EPB41L2: variants seen among roughly 807,000 people sequenced by gnomAD.
EPB41L2 encodes band 4.1-like protein 2.
A neutral mutation model predicts 113.0 loss-of-function variants in EPB41L2; 43 were observed. That is an observed-to-expected ratio of 0.38 (90% CI 0.30 to 0.49). The LOEUF is 0.49. Ranked by LOEUF, EPB41L2 falls within the 20% of genes least tolerant of loss-of-function variation. The pLI, the probability that EPB41L2 is intolerant of heterozygous loss-of-function variation, is 0.95. For missense variants in EPB41L2, 1,147 were observed against 1,223.4 expected (o/e 0.94, Z 0.93); for synonymous variants, 442 against 436.7 (o/e 1.01, Z -0.15).
At chr6:131,047,687 T>G (rs1795721696) in intron 1 of EPB41L2, among the ~76,000 whole-genome samples, 1 of 152,320 alleles carries the variant, frequency 6.6e-6, no homozygotes, top group Middle Eastern at 3.4e-3. Flanking sequence ...GACAGAACCA[T>G]ATACAAACAG....
chr6:130,890,503 A>G (rs1279663608), intron 10 of EPB41L2, 37 bp from the exon 11 acceptor site: 1 of 1,567,564 alleles, frequency 6.4e-7, no homozygotes, highest in Non-Finnish European at 8.6e-7. Flanking sequence ...AGAGAGAGAA[A>G]GGGGAAGCAA....
intron 1 of EPB41L2, among the ~76,000 whole-genome samples, chr6:130,989,899 A>G (rs1781431954): frequency 6.6e-6 from 1 of 152,264 alleles, no homozygotes. Context: ...AAGAACAATT[A>G]GAAATGGGAC....
intron 19 of EPB41L2, among the ~76,000 whole-genome samples, chr6:130,851,693 T>A (rs1378477352): frequency 6.6e-6 from 1 of 152,226 alleles, no homozygotes; most frequent in Non-Finnish European, 1.5e-5. Flanking sequence ...GAAACAGCTC[T>A]GACAAAGCCT....
intron 1 of EPB41L2, among the ~76,000 whole-genome samples, chr6:130,986,760 A>T (rs1449606280): frequency 6.6e-6 from 1 of 152,062 alleles, no homozygotes; most frequent in Non-Finnish European, 1.5e-5. Context: ...TCATGTTCTG[A>T]GATAGTAGTA....
intron 14 of EPB41L2, chr6:130,872,636 C>A: frequency 1.3e-6 from 1 of 763,330 alleles, no homozygotes. Flanking sequence ...CAAGAAAGAA[C>A]AACAGAACAG....
At chr6:131,021,893 C>T (rs1789596313) in intron 1 of EPB41L2, among the ~76,000 whole-genome samples, 2 of 152,134 alleles carry the variant, frequency 1.3e-5, no homozygotes, top group Non-Finnish European at 2.9e-5. Flanking sequence ...GCAGTCCCAA[C>T]CTTTTTGGTA....
chr6:131,045,506 A>G (rs1183454092), intron 1 of EPB41L2, among the ~76,000 whole-genome samples: 1 of 152,184 alleles, frequency 6.6e-6, no homozygotes. Context: ...TAGGGCTACG[A>G]ATCAAAGGCT....
intron 14 of EPB41L2, chr6:130,876,776 C>G: frequency 7.7e-7 from 1 of 1,301,100 alleles, no homozygotes; most frequent in South Asian, 1.2e-5. Flanking sequence ...CTCCTTTTCT[C>G]TATTGTTTTA....
chr6:130,917,897 A>G (rs1254073894), intron 4 of EPB41L2, among the ~76,000 whole-genome samples: 1 of 152,216 alleles, frequency 6.6e-6, no homozygotes, highest in South Asian at 2.1e-4. Flanking sequence ...TAATTTGGCC[A>G]GGTAAGAGAA....
intron 1 of EPB41L2, among the ~76,000 whole-genome samples, chr6:131,042,311 T>C (rs1430403347): frequency 6.6e-6 from 1 of 151,948 alleles, no homozygotes; most frequent in Non-Finnish European, 1.5e-5. Flanking sequence ...AGCAAAAGAT[T>C]TACTAGCATT....
chr6:131,051,557 C>T (rs190345775), intron 1 of EPB41L2, among the ~76,000 whole-genome samples: 15 of 150,784 alleles, frequency 9.9e-5, no homozygotes, highest in Admixed American at 9.9e-4. Context: ...AGCAGATGTA[C>T]AAAGTAACTG....
Position 131,000,156 on chromosome 6 carries a change from T to TTAA in EPB41L2, c.-14-43658_-14-43657insTTA, listed in dbSNP as rs368918603. 1.9e-3 allele frequency among the ~76,000 whole-genome samples: 275 copies of TTAA among 148,032 alleles called. 2 individuals carry two copies. Among genetic ancestry groups the TTAA allele is most frequent in the African/African-American group, 6.6e-3 (267 of 40,550 alleles). On this transcript the variant is annotated intron_variant, in intron 1 of 19. Coordinates refer to ENST00000337057, the MANE Select transcript of EPB41L2 (RefSeq NM_001431.4). ...ATAAAGATGTGGAATAGTGGCTTTTTAAAAAAAAAAAATACAGGCATCACT... is the reference window on the plus strand; with the variant it reads ...ATAAAGATGTGGAATAGTGGCTTTTTTAAAAAAAAAAAAAATACAGGCATCACT...
chr6:130,983,212 A>G (rs1013254114), intron 1 of EPB41L2, among the ~76,000 whole-genome samples: 3 of 152,252 alleles, frequency 2.0e-5, no homozygotes, highest in African/African-American at 7.2e-5. Context: ...AGATGTTTCT[A>G]TCTTCCAAAC....
chr6:130,917,772 C>G (rs1241642543), intron 4 of EPB41L2, among the ~76,000 whole-genome samples: 1 of 152,112 alleles, frequency 6.6e-6, no homozygotes, highest in Non-Finnish European at 1.5e-5. Context: ...TCCTTTCCCC[C>G]CAAAAAAATC....
At chr6:130,949,749 A>C (rs1421472526) in intron 3 of EPB41L2, among the ~76,000 whole-genome samples, 1 of 151,888 alleles carries the variant, frequency 6.6e-6, no homozygotes, top group Non-Finnish European at 1.5e-5. Flanking sequence ...TTACACCTAG[A>C]TTTTCTTCCA....
chr6:130,982,847 G>A (rs556758095), intron 1 of EPB41L2, among the ~76,000 whole-genome samples: 1 of 152,210 alleles, frequency 6.6e-6, no homozygotes, highest in Non-Finnish European at 1.5e-5. Context: ...GAGGCTCGGA[G>A]AAATTAAATA....
At chr6:131,046,070 C>T (rs932454262) in intron 1 of EPB41L2, among the ~76,000 whole-genome samples, 50 of 143,666 alleles carry the variant, frequency 3.5e-4, no homozygotes, top group African/African-American at 1.2e-3. Flanking sequence ...CCTCAGTCTC[C>T]GAAGCTAATT....
chr6:131,001,011 A>G (rs1784238436), intron 1 of EPB41L2, among the ~76,000 whole-genome samples: 1 of 152,226 alleles, frequency 6.6e-6, no homozygotes, highest in South Asian at 2.1e-4. Flanking sequence ...AATATAATGA[A>G]TAATAAACAA....
chr6:130,915,046 G>C (rs1189579410), intron 4 of EPB41L2, among the ~76,000 whole-genome samples: 1 of 152,178 alleles, frequency 6.6e-6, no homozygotes, highest in East Asian at 1.9e-4. Flanking sequence ...GCTCACGCCT[G>C]TAATCCCAGC....
Sources: gnomAD v4.1 joint callset for allele counts (sites outside exome capture counted in the v4.1 genomes callset) on GRCh38, gnomAD v4.1.1 for gene constraint, MANE v1.5 for transcripts, NCBI Gene and HGNC (gene_info 2026-07-23, HGNC 2026-07-21) for gene names.